The following PEX5L variants were observed in gnomAD, a reference collection of about 807,000 sequenced individuals.
PEX5L encodes the protein PEX5-related protein.
In PEX5L, 30 loss-of-function variants were observed where a neutral mutation model predicts 84.0. The observed-to-expected ratio is 0.36, with a 90% CI of 0.27 to 0.48. The LOEUF is 0.48. PEX5L is among the 20% of genes least tolerant of loss of function. The probability of loss-of-function intolerance (pLI) is 0.99; values close to 1 mark genes in which losing one functional copy is unlikely to be tolerated. For synonymous variants in PEX5L, 270 were observed against 283.1 expected, an observed-to-expected ratio of 0.95 and a Z score of 0.46; for missense variants, 533 against 754.6, an observed-to-expected ratio of 0.71 and a Z score of 3.44.
chr3:180,022,382 C>T (rs553968465), intron 1 of PEX5L, among the ~76,000 whole-genome samples: 29 of 152,214 alleles, frequency 1.9e-4, no homozygotes, highest in Non-Finnish European at 3.5e-4. Context: ...TTCAACAAAG[C>T]TGGTGTTTTC....
chr3:179,939,575 A>G (rs1012758673), intron 2 of PEX5L, among the ~76,000 whole-genome samples: 1 of 152,346 alleles, frequency 6.6e-6, no homozygotes, highest in African/African-American at 2.4e-5. Context: ...CTACAGATAC[A>G]TAGACTTCTG....
chr3:179,890,286 A>G (rs1757216436), intron 3 of PEX5L, among the ~76,000 whole-genome samples: 1 of 152,218 alleles, frequency 6.6e-6, no homozygotes, highest in Admixed American at 6.5e-5. Context: ...GATGAAGGTT[A>G]CCATCAAATA....
At chr3:179,839,683 C>A in intron 8 of PEX5L, among the ~76,000 whole-genome samples, 1 of 152,146 alleles carries the variant, frequency 6.6e-6, no homozygotes, top group Non-Finnish European at 1.5e-5. Context: ...GATTATACAT[C>A]CGTGCACCAT....
chr3:179,821,630 C>T (rs1215051589), intron 8 of PEX5L, among the ~76,000 whole-genome samples: 1 of 152,224 alleles, frequency 6.6e-6, no homozygotes, highest in African/African-American at 2.4e-5. Flanking sequence ...GCAAAGGCCT[C>T]CTCTCAACAA....
intron 1 of PEX5L, among the ~76,000 whole-genome samples, chr3:180,034,747 A>T (rs553625370): frequency 1.3e-5 from 2 of 152,244 alleles, no homozygotes; most frequent in East Asian, 3.9e-4. Context: ...GTAATGTTTT[A>T]ATTTAAGCTT....
At chr3:179,847,022 G>A (rs1577536696) in intron 8 of PEX5L, among the ~76,000 whole-genome samples, 1 of 149,930 alleles carries the variant, frequency 6.7e-6, no homozygotes, top group Admixed American at 6.6e-5. Context: ...TGAAGATCTC[G>A]CTCTCCCTGC....
Position 179,807,808 on chromosome 3 carries a change from G to A in PEX5L, c.1542C>T (p.Leu514=). The A allele has an allele frequency of 2.5e-6, 4 of 1,613,812 alleles. No homozygotes were observed. The highest frequency in any genetic ancestry group is 3.4e-6 in the Non-Finnish European group (4 of 1,180,006). Reference sequence around the variant, plus strand: ...GGTCTCCGTTCGCCAAGGTCGCCCCGAGGCGGTTCCATAGTGAATAGTCCT... The same window carrying A: ...GGTCTCCGTTCGCCAAGGTCGCCCCAAGGCGGTTCCATAGTGAATAGTCCT... ...RPEDYSLWNR[L]GATLANGDRS... Residue 514 remains leucine, a synonymous_variant, in exon 14 of 15, where the codon CTC becomes CTT. Coordinates refer to ENST00000467460, the MANE Select transcript of PEX5L (RefSeq NM_016559.3).
intron 1 of PEX5L, chr3:179,973,344 G>T: frequency 8.4e-7 from 1 of 1,195,194 alleles, no homozygotes; most frequent in Non-Finnish European, 1.1e-6. Context: ...CATTAATAAT[G>T]TACAACAATA....
intron 1 of PEX5L, among the ~76,000 whole-genome samples, chr3:180,011,862 A>G (rs947594628): frequency 1.1e-4 from 17 of 151,998 alleles, no homozygotes; most frequent in Non-Finnish European, 2.1e-4. Flanking sequence ...AAAGAGCAAG[A>G]GTTTTTCAAA....
intron 14 of PEX5L, among the ~76,000 whole-genome samples, chr3:179,803,277 AATATTATTT>A (rs1258007836): frequency 2.0e-5 from 3 of 152,228 alleles, no homozygotes; most frequent in Admixed American, 1.3e-4. Flanking sequence ...TTTTGTAAAA[AATATTATTT>A]ATGATAACAT....
chr3:179,799,855 A>G lies in PEX5L; in HGVS notation c.*1973T>C, dbSNP rs1233744402. ...ATTCTTGAAAGCATTGTTGAGCTTT[A>G]CTTTGCTGCTGAGACTGTAGAGAAG... On this transcript the variant is annotated 3_prime_UTR_variant, in exon 15 of 15. Transcript: ENST00000467460. 1 of 152,150 alleles carries G rather than the reference A, an allele frequency of 6.6e-6. No homozygotes were observed. Among genetic ancestry groups the G allele is most frequent in the Non-Finnish European group, 1.5e-5 (1 of 68,062 alleles). 9.4% of individuals were successfully genotyped at this position (152,150 alleles called of 1,614,324 possible).
At chr3:180,024,373 T>TATATATATATATATATATATATATAC (rs1396023654) in intron 1 of PEX5L, among the ~76,000 whole-genome samples, 36 of 78,958 alleles carry the variant, frequency 4.6e-4, no homozygotes, top group Non-Finnish European at 6.6e-4. Context: ...TATATATATA[T>TATATATATATATATATATATATATAC]ACACACACAA....
At chr3:179,882,980 T>C (rs890066420) in intron 4 of PEX5L, among the ~76,000 whole-genome samples, 1 of 152,028 alleles carries the variant, frequency 6.6e-6, no homozygotes, top group Non-Finnish European at 1.5e-5. Context: ...TCACCTGTAG[T>C]CTCAGCTACT....
At chr3:179,807,951 G>T in intron 13 of PEX5L, 120 bp from the exon 14 acceptor site, 1 of 870,814 alleles carries the variant, frequency 1.1e-6, no homozygotes, top group Non-Finnish European at 1.7e-6. Context: ...CATGGATGGA[G>T]ACCATGGCCA....
At chr3:179,974,871 TA>T (rs1214417580) in intron 1 of PEX5L, among the ~76,000 whole-genome samples, 1 of 152,118 alleles carries the variant, frequency 6.6e-6, no homozygotes, top group Non-Finnish European at 1.5e-5. Flanking sequence ...TTATTTTAAT[TA>T]AATAAACTTG....
At chr3:179,882,805 G>A (rs1161893470) in intron 4 of PEX5L, among the ~76,000 whole-genome samples, 2 of 152,150 alleles carry the variant, frequency 1.3e-5, no homozygotes, top group Admixed American at 6.5e-5. Context: ...AGCACCAACC[G>A]GTGAGGTGTG....
intron 1 of PEX5L, among the ~76,000 whole-genome samples, chr3:179,980,421 C>T (rs924464593): frequency 6.6e-6 from 1 of 152,088 alleles, no homozygotes; most frequent in African/African-American, 2.4e-5. Flanking sequence ...TAACTCATTA[C>T]TCTCACCCCT....
At chr3:179,962,324 T>C (rs573996573) in intron 2 of PEX5L, among the ~76,000 whole-genome samples, 7 of 152,336 alleles carry the variant, frequency 4.6e-5, no homozygotes, top group Middle Eastern at 3.4e-3. Context: ...AACTCAAGAC[T>C]AGAGGCTGCA....
chr3:180,023,304 T>C lies in PEX5L; in HGVS notation c.21+13275A>G, dbSNP rs572339077. On this transcript the variant is annotated intron_variant, in intron 1 of 14. Coordinates refer to ENST00000467460, the MANE Select transcript of PEX5L (RefSeq NM_016559.3). ...ACGAACATCTCACTGTCACAAAAAG[T>C]GACTATTGTAGCAGAGATATCAGTA... Among the ~76,000 whole-genome samples the C allele has an allele frequency of 2.0e-5, 3 of 152,268 alleles. No individual in the cohort carries two copies. In the East Asian group the frequency reaches 5.8e-4, roughly 29 times the overall value.
Sources: allele counts gnomAD v4.1 joint callset (sites outside exome capture counted in the v4.1 genomes callset), GRCh38; gene constraint gnomAD v4.1.1; transcripts MANE v1.5; gene names NCBI Gene and HGNC (gene_info 2026-07-23, HGNC 2026-07-21).